PIP5K1B: variants seen among roughly 807,000 people sequenced by gnomAD.
The protein encoded by PIP5K1B is phosphatidylinositol 4-phosphate 5-kinase type-1 beta.
A neutral mutation model predicts 67.0 loss-of-function variants in PIP5K1B; 42 were observed. That is an observed-to-expected ratio of 0.63 (90% confidence interval 0.49 to 0.81). PIP5K1B has a LOEUF of 0.81. Ranked by LOEUF, PIP5K1B falls within the 30% of genes least tolerant of loss-of-function variation. The pLI is 0.00. For synonymous variants in PIP5K1B, 214 were observed against 231.4 expected (o/e 0.92, Z 0.68); for missense variants, 459 against 646.3 (o/e 0.71, Z 3.14).
At position 68,810,379 on chromosome 9, in the gene PIP5K1B, A is replaced by G. The variant is rs1281997763; in HGVS notation, c.-85-8082A>G. 1.1e-4 allele frequency among the ~76,000 whole-genome samples: 16 copies of G among 152,112 alleles called. 1 individual carries two copies. Among genetic ancestry groups the G allele is most frequent in the Admixed American group, 1.0e-3 (16 of 15,276 alleles). On this transcript the variant is annotated intron_variant, in intron 2 of 15. Transcript: ENST00000265382. ...CGAAGAGAAGTGGACAGCAGCAGAG[A>G]TGGACATGAAACCCAGGCCTTCGGA...
chr9:68,901,839 C>T (rs1174381661), intron 8 of PIP5K1B, among the ~76,000 whole-genome samples: 1 of 152,172 alleles, frequency 6.6e-6, no homozygotes, highest in African/African-American at 2.4e-5. Flanking sequence ...CTTACCTAGC[C>T]AAGCCAGGTT....
chr9:68,748,581 A>C (rs2184116), intron 2 of PIP5K1B, among the ~76,000 whole-genome samples: 143,314 of 150,116 alleles, frequency 0.95, 68,502 homozygotes, highest in African/African-American at 0.97. Context: ...TGCAGTAGGC[A>C]CCACTCGGCG....
At chr9:68,766,349 T>G (rs1003571240) in intron 2 of PIP5K1B, among the ~76,000 whole-genome samples, 1 of 152,158 alleles carries the variant, frequency 6.6e-6, no homozygotes, top group Non-Finnish European at 1.5e-5. Flanking sequence ...CACTTCTACT[T>G]TGAATAATCT....
intron 4 of PIP5K1B, among the ~76,000 whole-genome samples, chr9:68,863,440 C>T (rs62566867): frequency 0.4 from 60,163 of 152,000 alleles, 12,642 homozygotes; most frequent in Middle Eastern, 0.49. Context: ...CACACACACA[C>T]GTATACAGTA....
intron 14 of PIP5K1B, among the ~76,000 whole-genome samples, chr9:68,946,707 T>C (rs1827822207): frequency 6.6e-6 from 1 of 152,112 alleles, no homozygotes; most frequent in South Asian, 2.1e-4. Flanking sequence ...TCTTTTATGT[T>C]TCTTAATCTG....
chr9:68,929,686 T>TTTTTGTTTTTA (rs1304783315), intron 12 of PIP5K1B, among the ~76,000 whole-genome samples: 1 of 152,212 alleles, frequency 6.6e-6, no homozygotes, highest in Non-Finnish European at 1.5e-5. Context: ...TTTTGTTTTT[T>TTTTTGTTTTTA]TGAGATGGAG....
rs563745834 is a variant in PIP5K1B, at chr9:68,817,567, ATATAGATTTT to A, written c.-85-891_-85-882del. 2.6e-3 allele frequency among the ~76,000 whole-genome samples: 390 copies of A among 152,320 alleles called. 3 individuals carry two copies. Among genetic ancestry groups the A allele is most frequent in the African/African-American group, 9.1e-3 (378 of 41,560 alleles). On this transcript the variant is annotated intron_variant, in intron 2 of 15. Coordinates refer to ENST00000265382, the MANE Select transcript of PIP5K1B (RefSeq NM_003558.4). ...GCAGTTATTTTTAAATGAGATAGAT[ATATAGATTTT>A]TAAAATATTTTGATAAGAGCAAGTG... is the stretch of plus-strand genomic sequence containing the variant.
Position 68,746,825 on chromosome 9 carries a change from A to G in PIP5K1B, c.-86+4168A>G, listed in dbSNP as rs565353899. ...AAGACTAGTTCCCAGCCCAGAATCT[A>G]TCTTGCATGGTACACAGCAAGAGAA... On this transcript the variant is annotated intron_variant, in intron 2 of 15. Coordinates refer to ENST00000265382, the MANE Select transcript of PIP5K1B (RefSeq NM_003558.4). Among the ~76,000 whole-genome samples the G allele has an allele frequency of 6.4e-4, 98 of 152,288 alleles. No individual in the cohort carries two copies. The South Asian group carries it at 0.012, about 19-fold the overall frequency.
At chr9:68,780,226 C>A in intron 2 of PIP5K1B, 2 of 1,541,776 alleles carry the variant, frequency 1.3e-6, no homozygotes, top group African/African-American at 1.4e-5. Flanking sequence ...GGGAGCCCGG[C>A]GGAGGGCGGT....
Position 68,968,710 on chromosome 9 carries a change from TATA to T in PIP5K1B, c.1503-22429_1503-22427del, listed in dbSNP as rs1564280207. Among the ~76,000 whole-genome samples the T allele has an allele frequency of 4.3e-5, 6 of 139,078 alleles. No individual in the cohort carries two copies. In the South Asian group the frequency reaches 7.0e-4, roughly 16 times the overall value. The allele number at this position is 139,078 out of a possible 152,430, so 91.2% of individuals were successfully genotyped here. ...TAGGATCCTTGTTTATATATATATA[TATA>T]TATTTTTTTTTTGCATGTGTTGACT... On this transcript the variant is annotated intron_variant, in intron 14 of 15. Coordinates refer to ENST00000265382, the MANE Select transcript of PIP5K1B (RefSeq NM_003558.4).
intron 2 of PIP5K1B, among the ~76,000 whole-genome samples, chr9:68,756,199 G>A (rs1472983043): frequency 1.3e-5 from 2 of 152,238 alleles, no homozygotes; most frequent in Admixed American, 1.3e-4. Flanking sequence ...TGACAGGTCA[G>A]CATGTCTCCT....
chr9:69,006,854 G>C (rs1288607553), intron 15 of PIP5K1B, among the ~76,000 whole-genome samples: 3 of 152,172 alleles, frequency 2.0e-5, no homozygotes, highest in African/African-American at 7.2e-5. Flanking sequence ...CTAATCAGTA[G>C]GACCTCATCA....
intron 12 of PIP5K1B, among the ~76,000 whole-genome samples, chr9:68,927,376 A>G (rs532345303): frequency 1.3e-5 from 2 of 152,200 alleles, no homozygotes; most frequent in Non-Finnish European, 2.9e-5. Flanking sequence ...GTGTCATTTT[A>G]CAATCCCACC....
At chr9:68,907,072 A>G (rs906845169) in intron 8 of PIP5K1B, among the ~76,000 whole-genome samples, 1 of 152,224 alleles carries the variant, frequency 6.6e-6, no homozygotes, top group Non-Finnish European at 1.5e-5. Flanking sequence ...CCTTTTCCCT[A>G]CTAGCATCCA....
At chr9:68,879,394 C>A (rs1202877330) in intron 6 of PIP5K1B, among the ~76,000 whole-genome samples, 1 of 151,960 alleles carries the variant, frequency 6.6e-6, no homozygotes, top group Non-Finnish European at 1.5e-5. Context: ...ATGGTGAAAC[C>A]CCGTCTCTAC....
intron 14 of PIP5K1B, among the ~76,000 whole-genome samples, chr9:68,973,927 G>A (rs1237771659): frequency 6.6e-6 from 1 of 152,176 alleles, no homozygotes; most frequent in African/African-American, 2.4e-5. Context: ...ACCCAAGCTG[G>A]AGCACAGTGG....
intron 8 of PIP5K1B, among the ~76,000 whole-genome samples, chr9:68,911,271 G>T (rs911340849): frequency 6.6e-6 from 1 of 152,080 alleles, no homozygotes; most frequent in Non-Finnish European, 1.5e-5. Flanking sequence ...TACTTGGGAG[G>T]CTGAGGCAGG....
intron 1 of PIP5K1B, among the ~76,000 whole-genome samples, chr9:68,711,293 A>G (rs1827380526): frequency 1.3e-5 from 2 of 152,178 alleles, no homozygotes; most frequent in South Asian, 4.1e-4. Flanking sequence ...CATGCCCATC[A>G]TTGTGCTCTC....
At chr9:68,920,769 C>T (rs1158675866) in intron 11 of PIP5K1B, among the ~76,000 whole-genome samples, 4 of 149,086 alleles carry the variant, frequency 2.7e-5, no homozygotes, top group South Asian at 4.2e-4. Flanking sequence ...GTCTCTGTCT[C>T]TCTGTCTCTC....
Sources: gnomAD v4.1 joint callset for allele counts (sites outside exome capture counted in the v4.1 genomes callset) on GRCh38, gnomAD v4.1.1 for gene constraint, MANE v1.5 for transcripts, NCBI Gene and HGNC (gene_info 2026-07-23, HGNC 2026-07-21) for gene names.